The following TRPM3 variants were observed in gnomAD, a reference collection of about 807,000 sequenced individuals.
TRPM3 encodes transient receptor potential cation channel subfamily M member 3, also known as long transient receptor potential channel 3.
A neutral mutation model predicts 181.2 loss-of-function variants in TRPM3; 77 were observed. The observed-to-expected ratio is 0.42, with a 90% CI of 0.35 to 0.51. The LOEUF (loss-of-function observed/expected upper bound fraction) is 0.51, where lower values mean the gene tolerates loss of function less well. TRPM3 is among the 20% of genes least tolerant of loss of function. The pLI, the probability that TRPM3 is intolerant of heterozygous loss-of-function variation, is 0.01. For synonymous variants in TRPM3, 745 were observed against 796.4 expected, an observed-to-expected ratio of 0.94 and a Z score of 1.09; for missense variants, 1,759 against 2,196.7, an observed-to-expected ratio of 0.80 and a Z score of 3.98.
chr9:71,316,316 C>T (rs567497894), intron 1 of TRPM3, among the ~76,000 whole-genome samples: 1 of 152,244 alleles, frequency 6.6e-6, no homozygotes, highest in South Asian at 2.1e-4. Flanking sequence ...TGTCTCTGCC[C>T]TTGGTTACTC....
At chr9:70,769,743 T>C (rs776779103) in intron 7 of TRPM3, among the ~76,000 whole-genome samples, 13 of 151,454 alleles carry the variant, frequency 8.6e-5, no homozygotes, top group Non-Finnish European at 1.6e-4. Context: ...TTTTATTGCA[T>C]GGAAATTATT....
chr9:70,820,807 G>A (rs575945733), intron 6 of TRPM3, among the ~76,000 whole-genome samples: 9 of 152,040 alleles, frequency 5.9e-5, no homozygotes, highest in Non-Finnish European at 8.8e-5. Flanking sequence ...AGTCAAATAC[G>A]GTAACTTGCC....
At chr9:71,212,802 C>T (rs1268283762) in intron 1 of TRPM3, among the ~76,000 whole-genome samples, 1 of 152,040 alleles carries the variant, frequency 6.6e-6, no homozygotes, top group East Asian at 1.9e-4. Context: ...TGAATTTTTC[C>T]CCTTTCAGAG....
At chr9:70,742,324 T>A (rs1202765628) in intron 8 of TRPM3, among the ~76,000 whole-genome samples, 1 of 152,126 alleles carries the variant, frequency 6.6e-6, no homozygotes, top group Non-Finnish European at 1.5e-5. Flanking sequence ...AATAGATATA[T>A]AACTACATAT....
chr9:70,610,569 G>A lies in TRPM3; in HGVS notation c.2667+40C>T, dbSNP rs751065350. ...CATGAGAAATGGACGTTGGCTCCTT[G>A]TGGCCATCCACTAGGAAGGAGAAAA... On this transcript the variant is annotated intron_variant, in intron 19 of 25. Coordinates refer to ENST00000677713, the MANE Select transcript of TRPM3 (RefSeq NM_001366145.2). The A allele has an allele frequency of 3.1e-6, 5 of 1,600,540 alleles. No individual in the cohort carries two copies. In the South Asian group the frequency reaches 3.4e-5, roughly 11 times the overall value.
At chr9:70,590,864 T>C (rs2058000163) in intron 22 of TRPM3, 167 bp downstream of exon 22, 1 of 788,416 alleles carries the variant, frequency 1.3e-6, no homozygotes, top group African/African-American at 1.7e-5. Flanking sequence ...TTGCTAAAAT[T>C]GTGTATTCAC....
At chr9:71,029,960 G>A (rs2057080502) in intron 1 of TRPM3, among the ~76,000 whole-genome samples, 1 of 151,984 alleles carries the variant, frequency 6.6e-6, no homozygotes, top group Non-Finnish European at 1.5e-5. Context: ...CTACTCAAGG[G>A]GTCCAAGTAC....
intron 1 of TRPM3, among the ~76,000 whole-genome samples, chr9:71,016,462 C>T (rs1590669467): frequency 6.6e-6 from 1 of 152,252 alleles, no homozygotes; most frequent in Non-Finnish European, 1.5e-5. Context: ...CAACCACCAT[C>T]TTACTTTCTG....
At chr9:70,806,656 C>T (rs62545984) in intron 6 of TRPM3, among the ~76,000 whole-genome samples, 4,545 of 151,460 alleles carry the variant, frequency 0.03, 93 homozygotes, top group Middle Eastern at 0.058. Flanking sequence ...TGCCACTGCA[C>T]TCCAGCCTGG....
chr9:70,694,617 A>G (rs549453726), intron 8 of TRPM3, among the ~76,000 whole-genome samples: 1 of 152,060 alleles, frequency 6.6e-6, no homozygotes, highest in Non-Finnish European at 1.5e-5. Context: ...AGTAGCTGGG[A>G]CTACAGGCAC....
At chr9:71,399,373 G>C (rs2093279156) in intron 1 of TRPM3, among the ~76,000 whole-genome samples, 1 of 151,952 alleles carries the variant, frequency 6.6e-6, no homozygotes, top group South Asian at 2.1e-4. Context: ...ATAGAAAACT[G>C]TATATTTTAT....
intron 22 of TRPM3, among the ~76,000 whole-genome samples, chr9:70,571,946 T>C (rs2132178804): frequency 6.6e-6 from 1 of 151,918 alleles, no homozygotes; most frequent in South Asian, 2.1e-4. Flanking sequence ...ATTGACTTTG[T>C]CCCCTTCTTT....
intron 3 of TRPM3, among the ~76,000 whole-genome samples, chr9:70,852,635 G>A (rs1252139650): frequency 2.0e-5 from 3 of 152,088 alleles, no homozygotes; most frequent in Admixed American, 6.6e-5. Context: ...GACACCAACA[G>A]GCAGATTTCT....
At chr9:71,144,596 G>A (rs901746663) in intron 1 of TRPM3, among the ~76,000 whole-genome samples, 2 of 152,068 alleles carry the variant, frequency 1.3e-5, no homozygotes, top group Non-Finnish European at 2.9e-5. Flanking sequence ...AATTACATGA[G>A]TTCCCTGGTA....
intron 1 of TRPM3, among the ~76,000 whole-genome samples, chr9:71,270,010 T>G (rs1175625766): frequency 6.6e-6 from 1 of 152,206 alleles, no homozygotes; most frequent in Non-Finnish European, 1.5e-5. Flanking sequence ...TGTTTAGTAT[T>G]GCAATTTTAC....
chr9:71,160,761 C>T (rs919656633), intron 1 of TRPM3, among the ~76,000 whole-genome samples: 1 of 152,112 alleles, frequency 6.6e-6, no homozygotes, highest in African/African-American at 2.4e-5. Context: ...CTCGAGCTAT[C>T]CAAGAAGCTA....
intron 1 of TRPM3, among the ~76,000 whole-genome samples, chr9:71,223,110 A>G (rs1212672996): frequency 6.6e-6 from 1 of 151,050 alleles, no homozygotes; most frequent in African/African-American, 2.4e-5. Context: ...TGCTTGTTCC[A>G]CTCCTCCCCC....
intron 1 of TRPM3, among the ~76,000 whole-genome samples, chr9:71,366,276 C>T (rs1482224030): frequency 6.6e-6 from 1 of 152,178 alleles, no homozygotes; most frequent in Non-Finnish European, 1.5e-5. Flanking sequence ...TATCCTACTA[C>T]TGTTTCCTTG....
In TRPM3 at chr9:70,852,764, G is replaced by A. The variant is rs1688273027; in HGVS notation, c.463-6173C>T. Among the ~76,000 whole-genome samples the A allele has an allele frequency of 3.3e-5, 5 of 152,040 alleles. No individual in the cohort carries two copies. The South Asian group carries it at 1.0e-3, about 32-fold the overall frequency. ...TTGACATAATCTTGCCAATTCTGAGGCTTTCCTCACTTCTCCCTGCATTTG... is the reference window on the plus strand; with the variant it reads ...TTGACATAATCTTGCCAATTCTGAGACTTTCCTCACTTCTCCCTGCATTTG... On this transcript the variant is annotated intron_variant, in intron 3 of 25. Transcript: ENST00000677713.
Sources: gnomAD v4.1 joint callset for allele counts (sites outside exome capture counted in the v4.1 genomes callset) on GRCh38, gnomAD v4.1.1 for gene constraint, MANE v1.5 for transcripts, NCBI Gene and HGNC (gene_info 2026-07-23, HGNC 2026-07-21) for gene names.